MAP4K1: variants seen among roughly 807,000 people sequenced by gnomAD.
MAP4K1 encodes MAPK/ERK kinase kinase kinase 1.
A neutral mutation model predicts 122.8 loss-of-function variants in MAP4K1; 35 were observed. The observed-to-expected ratio is 0.29, with a 90% CI of 0.22 to 0.38. MAP4K1 has a LOEUF of 0.38. Among genes scored for constraint, MAP4K1 ranks in the 10% least tolerant of loss-of-function variants. The probability of loss-of-function intolerance (pLI) is 1.00; values close to 1 mark genes in which losing one functional copy is unlikely to be tolerated. For synonymous variants in MAP4K1, 412 were observed against 421.3 expected (o/e 0.98, Z 0.27); for missense variants, 791 against 1,072.6 (o/e 0.74, Z 3.67).
chr19:38,612,860 C>G, intron 8 of MAP4K1, 118 bp from the exon 9 acceptor site: 1 of 1,091,778 alleles, frequency 9.2e-7, no homozygotes, highest in Non-Finnish European at 1.3e-6. Flanking sequence ...GATGGAGAGA[C>G]AGAGGGACAG....
Position 38,606,035 on chromosome 19 carries a change from G to T in MAP4K1, c.1200+138C>A, listed in dbSNP as rs1410630744. ...CTGAGGTTGAGGGATGCCACTTCCAGATCCCAATGTAGCCATCATCCTGGT... is the reference window on the plus strand; with the variant it reads ...CTGAGGTTGAGGGATGCCACTTCCATATCCCAATGTAGCCATCATCCTGGT... On this transcript the variant is annotated intron_variant, in intron 17 of 30. Transcript: ENST00000396857. 1.5e-5 allele frequency: 11 copies of T among 713,080 alleles called. No individual in the cohort carries two copies. The African/African-American group carries it at 2.0e-4, about 13-fold the overall frequency. 44.2% of individuals were successfully genotyped at this position (713,080 alleles called of 1,614,324 possible).
chr19:38,595,305 T>G (rs183757520), intron 29 of MAP4K1, among the ~76,000 whole-genome samples, 180 bp downstream of exon 29: 1 of 151,826 alleles, frequency 6.6e-6, no homozygotes, highest in South Asian at 2.1e-4. Context: ...AATAAATAAA[T>G]AAAAATAAAA....
At chr19:38,596,286 C>A (rs1164453044) in intron 26 of MAP4K1, 26 bp downstream of exon 26, 1 of 1,527,926 alleles carries the variant, frequency 6.5e-7, no homozygotes, top group Non-Finnish European at 8.8e-7. Context: ...TAAGCCCCGC[C>A]CTCAGCAAGA....
chr19:38,606,255 G>A, intron 16 of MAP4K1, 40 bp from the exon 17 acceptor site: 2 of 1,084,664 alleles, frequency 1.8e-6, no homozygotes, highest in Non-Finnish European at 2.7e-6. Flanking sequence ...GGGGGCTGGG[G>A]AACAAGGACT....
chr19:38,603,111 TACAC>T (rs1348917040), intron 19 of MAP4K1, among the ~76,000 whole-genome samples: 1 of 141,638 alleles, frequency 7.1e-6, no homozygotes, highest in African/African-American at 2.6e-5. Context: ...TGTACATATA[TACAC>T]ATGTACATAT....
intron 9 of MAP4K1, 94 bp downstream of exon 9, chr19:38,612,517 T>C (rs1568640995): frequency 1.4e-5 from 18 of 1,272,996 alleles, no homozygotes; most frequent in Non-Finnish European, 1.9e-5. Context: ...ATCCCTGAAT[T>C]GGAGGTTCCT....
At chr19:38,612,428 A>AAAAAT (rs575331158) in intron 9 of MAP4K1, among the ~76,000 whole-genome samples, 183 bp downstream of exon 9, 8 of 152,034 alleles carry the variant, frequency 5.3e-5, no homozygotes, top group Non-Finnish European at 8.8e-5. Flanking sequence ...TTAAAAAATA[A>AAAAAT]AAAATAAAAT....
chr19:38,611,372 G>T, intron 9 of MAP4K1, 67 bp from the exon 10 acceptor site: 1 of 1,035,904 alleles, frequency 9.7e-7, no homozygotes, highest in South Asian at 1.3e-5. Context: ...GGCTTGAGGG[G>T]TTCCTAGTAG....
intron 16 of MAP4K1, among the ~76,000 whole-genome samples, chr19:38,606,538 C>T (rs1012597736): frequency 6.6e-6 from 1 of 152,004 alleles, no homozygotes; most frequent in Non-Finnish European, 1.5e-5. Context: ...CGCCTGTGAC[C>T]GCAGCTACTC....
At chr19:38,595,842 G>A in intron 27 of MAP4K1, 97 bp downstream of exon 27, 2 of 1,496,990 alleles carry the variant, frequency 1.3e-6, no homozygotes, top group South Asian at 1.1e-5. Flanking sequence ...AGGCCCAGAG[G>A]GGCTCAGGGG....
chr19:38,610,856 C>T (rs1303465135), intron 11 of MAP4K1, among the ~76,000 whole-genome samples, 195 bp downstream of exon 11: 2 of 151,734 alleles, frequency 1.3e-5, no homozygotes, highest in Admixed American at 6.6e-5. Context: ...TCCGGCAACT[C>T]GGGGTATTTG....
At chr19:38,607,794 A>G in intron 16 of MAP4K1, 70 bp downstream of exon 16, 2 of 1,536,546 alleles carry the variant, frequency 1.3e-6, no homozygotes, top group South Asian at 1.2e-5. Context: ...AGGAAAGGCC[A>G]CATCAGGGGA....
At chr19:38,612,355 G>A (rs1477476482) in intron 9 of MAP4K1, among the ~76,000 whole-genome samples, 2 of 151,932 alleles carry the variant, frequency 1.3e-5, no homozygotes, top group Non-Finnish European at 2.9e-5. Flanking sequence ...AGGAGATGGA[G>A]GTTGCAGTGA....
intron 30 of MAP4K1, among the ~76,000 whole-genome samples, chr19:38,588,708 C>T (rs981671991): frequency 1.1e-4 from 16 of 150,100 alleles, no homozygotes; most frequent in South Asian, 6.3e-4. Flanking sequence ...GCCGAGATAG[C>T]GCCAGTGCAC....
chr19:38,599,892 C>T (rs917639527), intron 22 of MAP4K1, 33 bp downstream of exon 22: 19 of 1,610,460 alleles, frequency 1.2e-5, no homozygotes, highest in Middle Eastern at 3.3e-4. Flanking sequence ...CCTTAACTTC[C>T]GACCCCATCC....
rs1444937739 is a variant in MAP4K1, at chr19:38,606,230, T to A, written c.1158-15A>T. 6.7e-7 allele frequency: 1 copy of A among 1,483,070 alleles called. No individual in the cohort carries two copies. The highest frequency in any genetic ancestry group is 1.3e-5 in the South Asian group (1 of 78,842). 91.9% of individuals were successfully genotyped at this position (1,483,070 alleles called of 1,614,324 possible). On this transcript the variant is annotated splice_polypyrimidine_tract_variant and intron_variant, in intron 16 of 30. Transcript: ENST00000396857. ...CAGGGGTGGGGCTGAAACACAAAGATGGGTTAAATAGCTGGGGGGCTGGGG... is the reference window on the plus strand; with the variant it reads ...CAGGGGTGGGGCTGAAACACAAAGAAGGGTTAAATAGCTGGGGGGCTGGGG...
chr19:38,590,421 ATATATATATATATAT>A (rs1568619009), intron 30 of MAP4K1, among the ~76,000 whole-genome samples: 12 of 113,162 alleles, frequency 1.1e-4, no homozygotes, highest in African/African-American at 3.8e-4. Context: ...ATATATATAT[ATATATATATATATAT>A]AATCACGGGC....
At chr19:38,611,206 G>T in intron 10 of MAP4K1, 37 bp downstream of exon 10, 1 of 1,603,810 alleles carries the variant, frequency 6.2e-7, no homozygotes, top group Non-Finnish European at 8.5e-7. Flanking sequence ...CCCCAGCCCT[G>T]CCCTCTCTCA....
At position 38,617,593 on chromosome 19, in the gene MAP4K1, T is replaced by G; in HGVS notation, c.132A>C (p.Ala44=). 5 of 1,614,070 alleles carry G rather than the reference T, an allele frequency of 3.1e-6. No homozygotes were observed. Among genetic ancestry groups the G allele is most frequent in the Non-Finnish European group, 4.2e-6 (5 of 1,180,000 alleles). ...CAGGCTCCATCTTCACCATCTTCAG[T>G]GCCACCAGGTCCCCTGACACCTTGT... The part of the protein sequence containing the change: ...ARDKVSGDLV[A]LKMVKMEPDD... The change falls in exon 2 of 31, where the codon GCA becomes GCC. Residue 44 remains alanine, a synonymous_variant. Coordinates refer to ENST00000396857, the MANE Select transcript of MAP4K1 (RefSeq NM_001042600.3). The surrounding 1 kb of genome is among the most constrained non-coding windows in gnomAD (Gnocchi z 4.1).
Sources: gnomAD v4.1 joint callset for allele counts (sites outside exome capture counted in the v4.1 genomes callset) on GRCh38, gnomAD v4.1.1 for gene constraint, Gnocchi (gnomAD v3.1) non-coding constraint, MANE v1.5 for transcripts, NCBI Gene and HGNC (gene_info 2026-07-23, HGNC 2026-07-21) for gene names.